Variants in CSMD1 observed in about 807,000 individuals in gnomAD.
CSMD1 encodes the protein CUB and sushi domain-containing protein 1.
A neutral mutation model predicts 417.5 loss-of-function variants in CSMD1; 213 were observed. That is an observed-to-expected ratio of 0.51 (90% confidence interval 0.46 to 0.57). The LOEUF is 0.57. CSMD1 is among the 20% of genes least tolerant of loss of function. The probability of loss-of-function intolerance (pLI) is 0.00; values close to 1 mark genes in which losing one functional copy is unlikely to be tolerated. For synonymous variants in CSMD1, 2,862 were observed against 1,736.8 expected, an observed-to-expected ratio of 1.65 and a Z score of -16.11; for missense variants, 6,923 against 4,529.7, an observed-to-expected ratio of 1.53 and a Z score of -15.17.
At chr8:4,163,399 T>C (rs1284534936) in intron 3 of CSMD1, among the ~76,000 whole-genome samples, 4 of 152,264 alleles carry the variant, frequency 2.6e-5, no homozygotes, top group South Asian at 2.1e-4. Flanking sequence ...GCAATCTACA[T>C]TGTTGGTGTT....
chr8:3,141,228 C>T (rs540855278), intron 41 of CSMD1, among the ~76,000 whole-genome samples: 4 of 152,294 alleles, frequency 2.6e-5, no homozygotes, highest in South Asian at 2.1e-4. Context: ...ACCCGTACCT[C>T]ATCATCCCCT....
intron 1 of CSMD1, among the ~76,000 whole-genome samples, chr8:4,900,687 T>G (rs1396539910): frequency 6.6e-6 from 1 of 152,204 alleles, no homozygotes; most frequent in East Asian, 1.9e-4. Flanking sequence ...TTTGCAAATG[T>G]TGCTGGGGGC....
rs572560454 is a variant in CSMD1 at position 4,078,967 on chromosome 8, T to A, written c.416-46868A>T. ...TGTATGTTGAAAAGCTATCTTCTCT[T>A]CACTTTTTCCCACAATGTTGCATTA... On this transcript the variant is annotated intron_variant, in intron 3 of 69. Coordinates refer to ENST00000635120, the MANE Select transcript of CSMD1 (RefSeq NM_033225.6). Among the ~76,000 whole-genome samples, 17 of 145,772 alleles carry A rather than the reference T, an allele frequency of 1.2e-4. No individual in the cohort carries two copies. The East Asian group carries it at 3.5e-3, about 30-fold the overall frequency.
chr8:4,389,282 G>A (rs931765788), intron 3 of CSMD1, among the ~76,000 whole-genome samples: 3 of 152,136 alleles, frequency 2.0e-5, no homozygotes, highest in African/African-American at 7.2e-5. Flanking sequence ...AGAACCAGGA[G>A]AATTAGAAAA....
intron 3 of CSMD1, among the ~76,000 whole-genome samples, chr8:4,388,303 T>TAC (rs748455037): frequency 0.14 from 16,389 of 116,990 alleles, 1,094 homozygotes; most frequent in Non-Finnish European, 0.16. Flanking sequence ...GAAACTGTGA[T>TAC]ACACACACAC....
chr8:3,988,881 A>G (rs1191405179), intron 5 of CSMD1, among the ~76,000 whole-genome samples: 1 of 152,210 alleles, frequency 6.6e-6, no homozygotes, highest in Non-Finnish European at 1.5e-5. Flanking sequence ...TTGTCACACA[A>G]TTCATAACCA....
intron 10 of CSMD1, among the ~76,000 whole-genome samples, chr8:3,566,465 G>T (rs1197083537): frequency 6.6e-6 from 1 of 152,006 alleles, no homozygotes; most frequent in African/African-American, 2.4e-5. Flanking sequence ...CGCTCCTCCT[G>T]CACCTCCACC....
At chr8:4,292,974 C>G (rs111949826) in intron 3 of CSMD1, among the ~76,000 whole-genome samples, 1 of 152,166 alleles carries the variant, frequency 6.6e-6, no homozygotes, top group Non-Finnish European at 1.5e-5. Context: ...AGGCAAAAGA[C>G]GTGAACAGTC....
intron 26 of CSMD1, among the ~76,000 whole-genome samples, chr8:3,243,327 G>A (rs896645548): frequency 5.3e-5 from 8 of 152,104 alleles, no homozygotes; most frequent in South Asian, 2.1e-4. Flanking sequence ...CATTTCACTC[G>A]CGTCCATGTG....
intron 25 of CSMD1, among the ~76,000 whole-genome samples, chr8:3,301,051 C>A (rs141502390): frequency 9.7e-4 from 146 of 151,122 alleles, no homozygotes; most frequent in African/African-American, 3.4e-3. Context: ...CATGTCCACA[C>A]CACACAATAT....
chr8:3,886,489 C>G (rs1372974403), intron 5 of CSMD1, among the ~76,000 whole-genome samples: 2 of 152,206 alleles, frequency 1.3e-5, no homozygotes, highest in African/African-American at 4.8e-5. Flanking sequence ...GCCATACGGT[C>G]TCTGTCACAC....
intron 5 of CSMD1, among the ~76,000 whole-genome samples, chr8:3,843,215 T>C (rs1284841063): frequency 6.6e-6 from 1 of 152,088 alleles, no homozygotes; most frequent in Non-Finnish European, 1.5e-5. Flanking sequence ...TGCTTTCCCA[T>C]TTTTTTGTAA....
At chr8:3,976,254 A>T (rs1383097592) in intron 5 of CSMD1, among the ~76,000 whole-genome samples, 6 of 152,182 alleles carry the variant, frequency 3.9e-5, no homozygotes, top group Non-Finnish European at 5.9e-5. Flanking sequence ...AAATTATTTA[A>T]AAATGTAACT....
At chr8:4,340,876 A>G (rs1346247577) in intron 3 of CSMD1, among the ~76,000 whole-genome samples, 1 of 152,064 alleles carries the variant, frequency 6.6e-6, no homozygotes, top group Admixed American at 6.6e-5. Context: ...GATATTAACT[A>G]TTAATGAATA....
intron 4 of CSMD1, among the ~76,000 whole-genome samples, chr8:4,014,991 T>C (rs2740939): frequency 2.0e-5 from 3 of 151,986 alleles, no homozygotes; most frequent in East Asian, 1.9e-4. Context: ...GCACAGCAAA[T>C]ATGCAAACCA....
chr8:3,738,776 G>T (rs184898654), intron 6 of CSMD1, among the ~76,000 whole-genome samples: 1 of 152,138 alleles, frequency 6.6e-6, no homozygotes, highest in Non-Finnish European at 1.5e-5. Flanking sequence ...AACAACCTCC[G>T]TCAACTGGGT....
intron 6 of CSMD1, among the ~76,000 whole-genome samples, chr8:3,741,259 T>C (rs1445473093): frequency 8.1e-6 from 1 of 123,308 alleles, no homozygotes; most frequent in African/African-American, 3.2e-5. Flanking sequence ...AAGAAGAAGG[T>C]AGAGGAGGTA....
At chr8:3,142,946 C>G (rs1818594788) in intron 40 of CSMD1, among the ~76,000 whole-genome samples, 1 of 151,970 alleles carries the variant, frequency 6.6e-6, no homozygotes, top group Non-Finnish European at 1.5e-5. Context: ...CACCGTACCA[C>G]AGAGCTACAC....
chr8:4,508,114 C>G (rs965295756), intron 2 of CSMD1, among the ~76,000 whole-genome samples: 2 of 130,814 alleles, frequency 1.5e-5, no homozygotes, highest in African/African-American at 5.6e-5. Flanking sequence ...CCCCAAAAAA[C>G]AAAAACAGTG....
Sources: allele counts gnomAD v4.1 joint callset (sites outside exome capture counted in the v4.1 genomes callset), GRCh38; gene constraint gnomAD v4.1.1; transcripts MANE v1.5; gene names NCBI Gene and HGNC (gene_info 2026-07-23, HGNC 2026-07-21).